The following CHRM3 variants were observed in gnomAD, a reference collection of about 807,000 sequenced individuals.
The protein encoded by CHRM3 is muscarinic acetylcholine receptor M3.
In CHRM3, 11 loss-of-function variants were observed where a neutral mutation model predicts 41.8. The observed-to-expected ratio is 0.26, with a 90% CI of 0.17 to 0.44. The LOEUF is 0.44. Ranked by LOEUF, CHRM3 falls within the 20% of genes least tolerant of loss-of-function variation. The pLI is 1.00. For synonymous variants in CHRM3, 297 were observed against 301.4 expected (o/e 0.99, Z 0.15); for missense variants, 571 against 745.4 (o/e 0.77, Z 2.72).
chr1:239,510,650 C>T, intron 2 of CHRM3, among the ~76,000 whole-genome samples: 1 of 151,826 alleles, frequency 6.6e-6, no homozygotes, highest in East Asian at 1.9e-4. Flanking sequence ...GATTCTCCTG[C>T]CTCAGCCTCC....
intron 5 of CHRM3, among the ~76,000 whole-genome samples, chr1:239,803,900 T>C (rs1055039054): frequency 2.6e-5 from 4 of 152,216 alleles, no homozygotes; most frequent in African/African-American, 9.7e-5. Flanking sequence ...TGATAGCACG[T>C]TTGTCTGAAT....
intron 5 of CHRM3, among the ~76,000 whole-genome samples, chr1:239,694,672 C>T (rs1660016053): frequency 6.6e-6 from 1 of 152,132 alleles, no homozygotes; most frequent in Non-Finnish European, 1.5e-5. Flanking sequence ...TAAAATGTTC[C>T]ATTTCCTTGC....
intron 6 of CHRM3, among the ~76,000 whole-genome samples, chr1:239,845,139 T>C (rs889860691): frequency 6.6e-6 from 1 of 152,090 alleles, no homozygotes; most frequent in South Asian, 2.1e-4. Context: ...TTAGTAACAA[T>C]GTAAAAAAGT....
intron 6 of CHRM3, among the ~76,000 whole-genome samples, chr1:239,863,432 G>A (rs1675808087): frequency 6.6e-6 from 1 of 152,134 alleles, no homozygotes; most frequent in African/African-American, 2.4e-5. Context: ...ATGCCCAAGA[G>A]AGCACATAAG....
chr1:239,744,134 A>C (rs570788651), intron 5 of CHRM3, among the ~76,000 whole-genome samples: 1 of 151,936 alleles, frequency 6.6e-6, no homozygotes, highest in East Asian at 1.9e-4. Flanking sequence ...TAATGGCAAA[A>C]TTAATAACTA....
At chr1:239,580,366 A>G (rs1662761999) in intron 3 of CHRM3, among the ~76,000 whole-genome samples, 2 of 151,458 alleles carry the variant, frequency 1.3e-5, no homozygotes, top group East Asian at 3.9e-4. Context: ...TTCTCTTTCA[A>G]TCAAATTGTG....
chr1:239,888,843 T>A (rs900526606), intron 6 of CHRM3, among the ~76,000 whole-genome samples: 1 of 152,080 alleles, frequency 6.6e-6, no homozygotes, highest in African/African-American at 2.4e-5. Flanking sequence ...TAAAACCCAC[T>A]CAAAGGACTC....
intron 6 of CHRM3, among the ~76,000 whole-genome samples, chr1:239,858,814 G>C (rs1027085327): frequency 6.6e-6 from 1 of 152,140 alleles, no homozygotes; most frequent in Non-Finnish European, 1.5e-5. Context: ...TGTGTCTATG[G>C]ATTTGCATAT....
chr1:239,665,439 A>G (rs964538348), intron 4 of CHRM3, among the ~76,000 whole-genome samples: 17 of 152,080 alleles, frequency 1.1e-4, no homozygotes, highest in African/African-American at 3.1e-4. Flanking sequence ...CTCCTTTTTA[A>G]TGGAAGCTAT....
intron 5 of CHRM3, among the ~76,000 whole-genome samples, chr1:239,750,748 C>T (rs966661917): frequency 2.0e-5 from 3 of 152,172 alleles, no homozygotes; most frequent in Admixed American, 6.5e-5. Context: ...CCTCACTTTC[C>T]TTTTTCTGTC....
intron 3 of CHRM3, among the ~76,000 whole-genome samples, chr1:239,575,445 T>C (rs1030634085): frequency 6.6e-6 from 1 of 152,210 alleles, no homozygotes; most frequent in Non-Finnish European, 1.5e-5. Context: ...CATATTCTTT[T>C]ATTGTTAATA....
intron 5 of CHRM3, among the ~76,000 whole-genome samples, chr1:239,694,918 T>C (rs567083859): frequency 2.0e-5 from 3 of 152,348 alleles, no homozygotes; most frequent in Admixed American, 6.5e-5. Context: ...TATTTATTTT[T>C]CATTGGTGTC....
At chr1:239,868,997 G>A (rs1051118319) in intron 6 of CHRM3, among the ~76,000 whole-genome samples, 1 of 152,166 alleles carries the variant, frequency 6.6e-6, no homozygotes, top group African/African-American at 2.4e-5. Context: ...GGGGATTCCT[G>A]TACCAGTGAA....
intron 5 of CHRM3, among the ~76,000 whole-genome samples, chr1:239,791,761 G>A (rs1256584319): frequency 1.3e-5 from 2 of 152,166 alleles, no homozygotes; most frequent in Non-Finnish European, 2.9e-5. Context: ...ACACTGAGAT[G>A]GGTAAGAAAG....
intron 3 of CHRM3, among the ~76,000 whole-genome samples, chr1:239,547,524 T>C (rs1659411020): frequency 6.6e-6 from 1 of 152,142 alleles, no homozygotes; most frequent in African/African-American, 2.4e-5. Context: ...ATTTATTAAT[T>C]GTGAAGTTTT....
chr1:239,511,049 G>A (rs1668886607), intron 2 of CHRM3, among the ~76,000 whole-genome samples: 1 of 152,128 alleles, frequency 6.6e-6, no homozygotes, highest in Admixed American at 6.5e-5. Flanking sequence ...AGCTATCCAA[G>A]GGTTAAAGAA....
chr1:239,448,577 C>T (rs1208197710), intron 1 of CHRM3, among the ~76,000 whole-genome samples: 1 of 151,998 alleles, frequency 6.6e-6, no homozygotes, highest in Non-Finnish European at 1.5e-5. Flanking sequence ...TGTAATAGAG[C>T]TCTATTTTAT....
chr1:239,451,192 C>T (rs957706284), intron 1 of CHRM3, among the ~76,000 whole-genome samples: 1 of 151,998 alleles, frequency 6.6e-6, no homozygotes, highest in Non-Finnish European at 1.5e-5. Context: ...CCACTGGATG[C>T]CAGGCTGTCC....
rs1458030491 is a variant in CHRM3, at chr1:239,908,390, C to G, written c.939C>G (p.Phe313Leu). ...GGAGGAAGTATGGCCGCTGCCACTT[C>G]TGGTTCACAACCAAGAGCTGGAAAC... ...SNRRKYGRCH[F>L]WFTTKSWKPS... is the part of the protein sequence containing the mutation. Residue 313 changes from phenylalanine (F) to leucine (L), a missense_variant, in exon 7 of 7, where the codon TTC becomes TTG. Transcript: ENST00000676153. This position sits in a 1 kb window ranked among gnomAD's most constrained non-coding sequence, Gnocchi z 7.2. 6.2e-7 allele frequency: 1 copy of G among 1,614,092 alleles called. No individual in the cohort carries two copies. Among genetic ancestry groups the G allele is most frequent in the Admixed American group, 1.7e-5 (1 of 60,030 alleles).
Sources: allele counts gnomAD v4.1 joint callset (sites outside exome capture counted in the v4.1 genomes callset), GRCh38; gene constraint gnomAD v4.1.1; non-coding constraint Gnocchi (gnomAD v3.1); transcripts MANE v1.5; gene names NCBI Gene and HGNC (gene_info 2026-07-23, HGNC 2026-07-21).